Variants in KATNIP observed in about 807,000 individuals in gnomAD.
KATNIP encodes katanin interacting protein, also known as katanin-interacting protein.
A neutral mutation model predicts 174.0 loss-of-function variants in KATNIP; 126 were observed. The observed-to-expected ratio is 0.72, with a 90% confidence interval of 0.63 to 0.84. KATNIP has a LOEUF of 0.84. Among genes scored for constraint, KATNIP ranks in the 40% least tolerant of loss-of-function variants. The probability of loss-of-function intolerance (pLI) is 0.00; values close to 1 mark genes in which losing one functional copy is unlikely to be tolerated. For missense variants in KATNIP, 1,958 were observed against 2,109.7 expected, an observed-to-expected ratio of 0.93 and a Z score of 1.41; for synonymous variants, 810 against 835.7, an observed-to-expected ratio of 0.97 and a Z score of 0.53.
chr16:27,575,862 C>G (rs891904652), intron 2 of KATNIP, among the ~76,000 whole-genome samples: 3 of 152,190 alleles, frequency 2.0e-5, no homozygotes, highest in African/African-American at 7.2e-5. Context: ...AGTGGGCAGT[C>G]TAGGGGCAAA....
At position 27,773,539 on chromosome 16, in the gene KATNIP, G is replaced by T. The variant is rs140816240; in HGVS notation, c.4309+330G>T. Among the ~76,000 whole-genome samples, 62 of 152,360 alleles carry T rather than the reference G, an allele frequency of 4.1e-4. 1 individual carries two copies. The highest frequency in any genetic ancestry group is 1.5e-3 in the African/African-American group (61 of 41,584). On this transcript the variant is annotated intron_variant, in intron 23 of 27. Transcript: ENST00000261588. Reference sequence around the variant, plus strand: ...AAGGCTCTGACAAGGTCTGCAGGGAGAAGCCTGTTGCACTGTGTTCAACTC... The same window carrying T: ...AAGGCTCTGACAAGGTCTGCAGGGATAAGCCTGTTGCACTGTGTTCAACTC...
At chr16:27,550,946 G>A (rs536787621) in intron 1 of KATNIP, among the ~76,000 whole-genome samples, 11 of 152,288 alleles carry the variant, frequency 7.2e-5, no homozygotes, top group African/African-American at 2.4e-4. Context: ...CTAGTGAGCC[G>A]GATTGAGGCT....
At chr16:27,652,424 C>T (rs1003392931) in intron 6 of KATNIP, among the ~76,000 whole-genome samples, 8 of 152,242 alleles carry the variant, frequency 5.3e-5, no homozygotes, top group East Asian at 1.9e-4. Flanking sequence ...AGGAAGACAC[C>T]GCTTTCCAGA....
rs1408800290 is a variant in KATNIP, at chr16:27,777,051, T to A, written c.4551+22T>A. On this transcript the variant is annotated intron_variant, in intron 25 of 27. Transcript: ENST00000261588. This position sits in a 1 kb window ranked among gnomAD's most constrained non-coding sequence, Gnocchi z 4.4. ...TGGCGTAAGTACTTATTAGCTGAGT[T>A]TTTTGAGATAATTATGCTCGTTGGT... 1 of 1,469,260 alleles carries A rather than the reference T, an allele frequency of 6.8e-7. No individual in the cohort carries two copies. The highest frequency in any genetic ancestry group is 9.5e-7 in the Non-Finnish European group (1 of 1,052,838). 91.0% of individuals were successfully genotyped at this position (1,469,260 alleles called of 1,614,324 possible). A position where few individuals can be genotyped will look rare whatever the true frequency, so the allele number is the denominator to read the frequency against.
At chr16:27,766,774 AGTGCTCGG>A (rs2082140470) in intron 20 of KATNIP, among the ~76,000 whole-genome samples, 1 of 152,168 alleles carries the variant, frequency 6.6e-6, no homozygotes, top group Non-Finnish European at 1.5e-5. Flanking sequence ...AAGTCCCTTG[AGTGCTCGG>A]GTGGCCAGGC....
At chr16:27,629,696 C>G (rs1459907370) in intron 4 of KATNIP, among the ~76,000 whole-genome samples, 1 of 152,238 alleles carries the variant, frequency 6.6e-6, no homozygotes, top group African/African-American at 2.4e-5. Context: ...CTTAGTCTCT[C>G]TGTGCCTTTG....
intron 13 of KATNIP, among the ~76,000 whole-genome samples, chr16:27,715,097 T>C (rs974312590): frequency 2.0e-5 from 3 of 152,302 alleles, no homozygotes; most frequent in South Asian, 4.1e-4. Flanking sequence ...GATAGACATA[T>C]AGATCAATGA....
intron 1 of KATNIP, among the ~76,000 whole-genome samples, chr16:27,554,412 C>T (rs1464898619): frequency 2.0e-5 from 3 of 152,110 alleles, no homozygotes; most frequent in African/African-American, 7.2e-5. Flanking sequence ...TTGCAGTGAG[C>T]CAAGATCATG....
chr16:27,682,501 A>G (rs1035978026), intron 8 of KATNIP, among the ~76,000 whole-genome samples: 1 of 152,184 alleles, frequency 6.6e-6, no homozygotes, highest in Non-Finnish European at 1.5e-5. Flanking sequence ...TGACCAAGGA[A>G]GAGACCAGGT....
intron 14 of KATNIP, chr16:27,722,528 TAGTG>T (rs753460447): frequency 2.6e-5 from 4 of 152,206 alleles, no homozygotes; most frequent in Non-Finnish European, 5.9e-5. Flanking sequence ...GGGAACTAAA[TAGTG>T]AGGAAGGACA....
intron 13 of KATNIP, among the ~76,000 whole-genome samples, chr16:27,713,809 C>CATATATATATATATAT (rs60005285): frequency 3.0e-5 from 1 of 33,346 alleles, no homozygotes; most frequent in Non-Finnish European, 6.2e-5. Flanking sequence ...TGTGTATATA[C>CATATATATATATATAT]ATATATATAT....
At position 27,601,741 on chromosome 16, in the gene KATNIP, C is replaced by T. The variant is rs139532810; in HGVS notation, c.64-16684C>T. Among the ~76,000 whole-genome samples the T allele has an allele frequency of 3.8e-4, 58 of 152,230 alleles. No individual in the cohort carries two copies. The East Asian group carries it at 0.01, about 27-fold the overall frequency. On this transcript the variant is annotated intron_variant, in intron 2 of 27. Coordinates refer to ENST00000261588, the MANE Select transcript of KATNIP (RefSeq NM_015202.5). ...TCTATCTCTGGCCCTTGCCCGATGCCCAACCCATAGGAGAAGCACAAGGAA... is the reference window on the plus strand; with the variant it reads ...TCTATCTCTGGCCCTTGCCCGATGCTCAACCCATAGGAGAAGCACAAGGAA...
rs138054784 is a variant in KATNIP at position 27,638,343 on chromosome 16, A to T, written c.408+7181A>T. 4.5e-3 allele frequency among the ~76,000 whole-genome samples: 688 copies of T among 152,342 alleles called. 7 individuals carry two copies. The highest frequency in any genetic ancestry group is 0.014 in the African/African-American group (601 of 41,580). On this transcript the variant is annotated intron_variant, in intron 5 of 27. Coordinates refer to ENST00000261588, the MANE Select transcript of KATNIP (RefSeq NM_015202.5). ...TGCCAGCTATACCATTATTACCGTC[A>T]TGAGGAAGACAGGCTGGATTGGTTT... is the stretch of plus-strand genomic sequence containing the variant.
rs140236792 is a variant in KATNIP, at chr16:27,557,121, T to C, written c.7+6944T>C. Among the ~76,000 whole-genome samples, 4 of 152,088 alleles carry C rather than the reference T, an allele frequency of 2.6e-5. No individual in the cohort carries two copies. In the East Asian group the frequency reaches 7.7e-4, roughly 29 times the overall value. On this transcript the variant is annotated intron_variant, in intron 1 of 27. Coordinates refer to ENST00000261588, the MANE Select transcript of KATNIP (RefSeq NM_015202.5). ...ATATGGGAATTCATTGTACTATTCT[T>C]GACATTTTTCTGTGAAGTTGATTTT... is the stretch of plus-strand genomic sequence containing the variant.
At chr16:27,736,797 A>G (rs1429911097) in intron 14 of KATNIP, among the ~76,000 whole-genome samples, 1 of 152,208 alleles carries the variant, frequency 6.6e-6, no homozygotes, top group East Asian at 1.9e-4. Flanking sequence ...AAGTGAGTGC[A>G]GGGTTTGGGG....
At chr16:27,610,143 G>A (rs1481080601) in intron 2 of KATNIP, among the ~76,000 whole-genome samples, 1 of 152,104 alleles carries the variant, frequency 6.6e-6, no homozygotes, top group Admixed American at 6.6e-5. Context: ...CCCCCTTGGG[G>A]TCCTAGCAGA....
intron 19 of KATNIP, among the ~76,000 whole-genome samples, chr16:27,763,679 G>A (rs1459894588): frequency 2.0e-5 from 3 of 150,502 alleles, no homozygotes; most frequent in South Asian, 2.1e-4. Context: ...TAAATTACCA[G>A]ATATCTAGCA....
rs571346169 is a variant in KATNIP at position 27,641,891 on chromosome 16, G to A, written c.409-6713G>A. Among the ~76,000 whole-genome samples, 168 of 152,304 alleles carry A rather than the reference G, an allele frequency of 1.1e-3. 1 individual carries two copies. Among genetic ancestry groups the A allele is most frequent in the African/African-American group, 3.9e-3 (162 of 41,564 alleles). ...TAGAAACCCATGGGGAGGCCAGGCC[G>A]CACCCTAGGCCCTGGCCGGTGCTGG... On this transcript the variant is annotated intron_variant, in intron 5 of 27. Coordinates refer to ENST00000261588, the MANE Select transcript of KATNIP (RefSeq NM_015202.5).
intron 10 of KATNIP, chr16:27,701,373 T>C: frequency 2.1e-6 from 1 of 470,916 alleles, no homozygotes; most frequent in East Asian, 3.4e-5. Flanking sequence ...CGAAGTGGAT[T>C]GTTTCCTAGG....
Sources: allele counts gnomAD v4.1 joint callset (sites outside exome capture counted in the v4.1 genomes callset), GRCh38; gene constraint gnomAD v4.1.1; non-coding constraint Gnocchi (gnomAD v3.1); transcripts MANE v1.5; gene names NCBI Gene and HGNC (gene_info 2026-07-23, HGNC 2026-07-21).